The following EPYC variants were observed in gnomAD, a reference collection of about 807,000 sequenced individuals.
EPYC encodes epiphycan.
In EPYC, 28 loss-of-function variants were observed where a neutral mutation model predicts 30.1. The observed-to-expected ratio is 0.93, with a 90% confidence interval of 0.69 to 1.28. The LOEUF (loss-of-function observed/expected upper bound fraction) is 1.28. EPYC is among the 50% of genes most tolerant of loss of function. EPYC has a pLI of 0.00. For missense variants in EPYC, 382 were observed against 383.5 expected, an observed-to-expected ratio of 1.00 and a Z score of 0.03; for synonymous variants, 144 against 141.4, an observed-to-expected ratio of 1.02 and a Z score of -0.13.
chr12:90,990,321 C>T (rs547315591), intron 2 of EPYC, among the ~76,000 whole-genome samples: 1 of 151,862 alleles, frequency 6.6e-6, no homozygotes, highest in Non-Finnish European at 1.5e-5. Context: ...TACATAATGA[C>T]AATGATAATG....
rs1306090230 is a variant in EPYC, at chr12:90,970,032, G to A, written c.798+12C>T. On this transcript the variant is annotated intron_variant, in intron 6 of 6. Coordinates refer to ENST00000261172, the MANE Select transcript of EPYC (RefSeq NM_004950.5). ...TGAAGCCCTTGGGCGCACCTTACTGGTAGACTCCTACCTGGAGGTGAAGGG... is the reference window on the plus strand; with the variant it reads ...TGAAGCCCTTGGGCGCACCTTACTGATAGACTCCTACCTGGAGGTGAAGGG... The A allele has an allele frequency of 6.2e-7, 1 of 1,604,086 alleles. No individual in the cohort carries two copies. Among genetic ancestry groups the A allele is most frequent in the South Asian group, 1.1e-5 (1 of 90,836 alleles).
intron 2 of EPYC, among the ~76,000 whole-genome samples, chr12:90,997,524 A>C (rs894228040): frequency 2.6e-5 from 4 of 152,076 alleles, no homozygotes; most frequent in Non-Finnish European, 4.4e-5. Flanking sequence ...AATAACTTAA[A>C]ACTATAACAT....
chr12:90,971,795 C>T lies in EPYC; in HGVS notation c.702+5G>A. The T allele has an allele frequency of 6.4e-7, 1 of 1,554,470 alleles. No individual in the cohort carries two copies. The highest frequency in any genetic ancestry group is 8.7e-7 in the Non-Finnish European group (1 of 1,151,260). Reference sequence around the variant, plus strand: ...AAAAGTCTGCATATCAAACTTAAAACTTACTTTAAATGCTTCTTGCTTTAT... The same window carrying T: ...AAAAGTCTGCATATCAAACTTAAAATTTACTTTAAATGCTTCTTGCTTTAT... On this transcript the variant is annotated splice_donor_5th_base_variant and intron_variant, in intron 5 of 6. Transcript: ENST00000261172.
In EPYC at chr12:90,972,008, A is replaced by T; in HGVS notation, c.500-6T>A. The T allele has an allele frequency of 2.1e-6, 3 of 1,456,874 alleles. No homozygotes were observed. The highest frequency in any genetic ancestry group is 2.8e-6 in the Non-Finnish European group (3 of 1,073,400). 90.2% of individuals were successfully genotyped at this position (1,456,874 alleles called of 1,614,324 possible). On this transcript the variant is annotated splice_region_variant and splice_polypyrimidine_tract_variant and intron_variant, in intron 4 of 6. Transcript: ENST00000261172. ...ATCAATCCTTTTTAAATCACCTAGC[A>T]GAAAAAAATAAAGGAAGTAATTAAA...
rs546588035 is a variant in EPYC, at chr12:90,974,624, C to A, written c.341-1644G>T. ...AAAGAACATGGAAAGATTTTCATCC[C>A]ACTTGTGGAAGGACAGAGTGTCTTT... On this transcript the variant is annotated intron_variant, in intron 3 of 6. Transcript: ENST00000261172. 9.9e-5 allele frequency among the ~76,000 whole-genome samples: 15 copies of A among 152,122 alleles called. No homozygotes were observed. The South Asian group carries it at 2.3e-3, about 23-fold the overall frequency.
intron 2 of EPYC, among the ~76,000 whole-genome samples, chr12:90,987,049 A>G (rs147767903): frequency 5.9e-4 from 90 of 152,318 alleles, no homozygotes; most frequent in African/African-American, 2.1e-3. Context: ...TTTGTGTATA[A>G]GAGTAAGAAA....
chr12:90,994,080 C>T (rs1877645856), intron 2 of EPYC, among the ~76,000 whole-genome samples: 1 of 152,078 alleles, frequency 6.6e-6, no homozygotes, highest in Non-Finnish European at 1.5e-5. Context: ...GCTGAAAATA[C>T]TTATAAGACT....
chr12:91,004,032 A>G (rs544601235), intron 1 of EPYC, among the ~76,000 whole-genome samples: 3 of 152,232 alleles, frequency 2.0e-5, no homozygotes, highest in Non-Finnish European at 4.4e-5. Context: ...TCTTTGCAGG[A>G]TTGCAGATTT....
chr12:90,972,973 T>C lies in EPYC; in HGVS notation c.348A>G (p.Pro116=), dbSNP rs748929318. The C allele has an allele frequency of 4.4e-6, 7 of 1,582,082 alleles. No homozygotes were observed. Among genetic ancestry groups the C allele is most frequent in the South Asian group, 3.5e-5 (3 of 85,634 alleles). Residue 116 remains proline, a synonymous_variant, in exon 4 of 7, where the codon CCA becomes CCG. Coordinates refer to ENST00000261172, the MANE Select transcript of EPYC (RefSeq NM_004950.5). ...TTATACAAGTACACAAAAGACAGGTTGGAAAGTCTAAAAGATAAAGGAAAA... is the reference window on the plus strand; with the variant it reads ...TTATACAAGTACACAAAAGACAGGTCGGAAAGTCTAAAAGATAAAGGAAAA... ...VLGPHTNEDF[P]TCLLCTCIST...
At chr12:90,978,290 C>A (rs770028413) in intron 2 of EPYC, 28 bp from the exon 3 acceptor site, 3 of 1,553,344 alleles carry the variant, frequency 1.9e-6, no homozygotes, top group Non-Finnish European at 2.6e-6. Flanking sequence ...AAGAGAATTT[C>A]TTCAGGCCAA....
intron 1 of EPYC, among the ~76,000 whole-genome samples, chr12:91,003,869 T>C (rs1877889540): frequency 6.6e-6 from 1 of 152,106 alleles, no homozygotes; most frequent in Non-Finnish European, 1.5e-5. Flanking sequence ...AGAAAGCCTT[T>C]ATGAAGCAGG....
intron 2 of EPYC, among the ~76,000 whole-genome samples, chr12:90,996,991 G>A (rs1314446024): frequency 6.6e-6 from 1 of 151,942 alleles, no homozygotes; most frequent in East Asian, 1.9e-4. Context: ...CAAAAATTGG[G>A]CTCCAGGTTG....
intron 2 of EPYC, among the ~76,000 whole-genome samples, chr12:90,981,203 G>A (rs1437217391): frequency 1.3e-5 from 2 of 152,114 alleles, no homozygotes; most frequent in African/African-American, 2.4e-5. Flanking sequence ...TAACTACCAA[G>A]AGAAGAAGTA....
intron 2 of EPYC, among the ~76,000 whole-genome samples, chr12:90,983,676 T>C (rs890682056): frequency 6.6e-6 from 1 of 152,112 alleles, no homozygotes; most frequent in African/African-American, 2.4e-5. Flanking sequence ...CTATTCTATC[T>C]ATCCTGACCC....
At chr12:90,986,360 G>T (rs1032470289) in intron 2 of EPYC, among the ~76,000 whole-genome samples, 4 of 152,118 alleles carry the variant, frequency 2.6e-5, no homozygotes, top group African/African-American at 9.7e-5. Flanking sequence ...AAATGCAGCA[G>T]TCCCTGCAAC....
chr12:90,971,780 A>G lies in EPYC; in HGVS notation c.702+20T>C. The G allele has an allele frequency of 6.7e-7, 1 of 1,481,570 alleles. No individual in the cohort carries two copies. Among genetic ancestry groups the G allele is most frequent in the Non-Finnish European group, 9.1e-7 (1 of 1,098,550 alleles). The allele number at this position is 1,481,570 out of a possible 1,614,324, so 91.8% of individuals were successfully genotyped here. On this transcript the variant is annotated intron_variant, in intron 5 of 6. Coordinates refer to ENST00000261172, the MANE Select transcript of EPYC (RefSeq NM_004950.5). The stretch of plus-strand genomic sequence containing the variant: ...ATAAAATTGGAAGATAAAAGTCTGC[A>G]TATCAAACTTAAAACTTACTTTAAA...
intron 2 of EPYC, among the ~76,000 whole-genome samples, chr12:90,999,750 A>C (rs1224026155): frequency 6.6e-6 from 1 of 152,106 alleles, no homozygotes; most frequent in Admixed American, 6.6e-5. Context: ...ATCTATTCAC[A>C]TGACTGGATC....
At chr12:90,999,750 A>G (rs1224026155) in intron 2 of EPYC, among the ~76,000 whole-genome samples, 1 of 152,106 alleles carries the variant, frequency 6.6e-6, no homozygotes, top group Non-Finnish European at 1.5e-5. Context: ...ATCTATTCAC[A>G]TGACTGGATC....
intron 6 of EPYC, among the ~76,000 whole-genome samples, chr12:90,967,319 G>A (rs961728780): frequency 1.3e-5 from 1 of 77,190 alleles, no homozygotes; most frequent in Non-Finnish European, 4.0e-5. Flanking sequence ...ATTTATCTCT[G>A]ATTTTTTTTA....
Sources: gnomAD v4.1 joint callset for allele counts (sites outside exome capture counted in the v4.1 genomes callset) on GRCh38, gnomAD v4.1.1 for gene constraint, MANE v1.5 for transcripts, NCBI Gene and HGNC (gene_info 2026-07-23, HGNC 2026-07-21) for gene names.